The following RNF220 variants were observed in gnomAD, a reference collection of about 807,000 sequenced individuals.
RNF220 encodes the protein E3 ubiquitin-protein ligase RNF220.
Under a neutral mutation model 67.1 loss-of-function variants are expected in RNF220, and 7 were observed. That is an observed-to-expected ratio of 0.10 (90% CI 0.06 to 0.20). The LOEUF (loss-of-function observed/expected upper bound fraction) is 0.20. Ranked by LOEUF, RNF220 falls within the 10% of genes least tolerant of loss-of-function variation. RNF220 has a pLI of 1.00. For missense variants in RNF220, 565 were observed against 740.3 expected (o/e 0.76, Z 2.75); for synonymous variants, 270 against 283.2 (o/e 0.95, Z 0.47).
chr1:44,432,863 G>C (rs1650539706), intron 2 of RNF220, among the ~76,000 whole-genome samples: 2 of 148,036 alleles, frequency 1.4e-5, no homozygotes, highest in African/African-American at 5.0e-5. Flanking sequence ...GGTTACTCTT[G>C]AGTTTTGGTA....
intron 2 of RNF220, among the ~76,000 whole-genome samples, chr1:44,478,132 A>G (rs184194517): frequency 6.6e-6 from 1 of 152,050 alleles, no homozygotes. Flanking sequence ...GGTATGCACC[A>G]CCACACCCGG....
At chr1:44,462,850 G>C (rs56855065) in intron 2 of RNF220, among the ~76,000 whole-genome samples, 1 of 151,168 alleles carries the variant, frequency 6.6e-6, no homozygotes, top group Non-Finnish European at 1.5e-5. Context: ...AACATGGTGA[G>C]ACCCTGTCTC....
At position 44,619,335 on chromosome 1, in the gene RNF220, G is replaced by A. The variant is rs112744663; in HGVS notation, c.759-3407G>A. Among the ~76,000 whole-genome samples the A allele has an allele frequency of 1.0e-3, 152 of 152,322 alleles. 1 individual carries two copies. Among genetic ancestry groups the A allele is most frequent in the African/African-American group, 3.3e-3 (136 of 41,568 alleles). On this transcript the variant is annotated intron_variant, in intron 3 of 14. Transcript: ENST00000361799. ...AAAGGGCTCAAAGAAGCCAGAGGGA[G>A]GCTGGGTGACTCTAGAGAAGAGGCG... is the stretch of plus-strand genomic sequence containing the variant.
chr1:44,412,852 T>C lies in RNF220; in HGVS notation c.625+130T>C. ...CCAACTACTTCCCTTTCACTAGCTGTGGAGTGCTAACCTTTGCTTGTCTCT... is the reference window on the plus strand; with the variant it reads ...CCAACTACTTCCCTTTCACTAGCTGCGGAGTGCTAACCTTTGCTTGTCTCT... On this transcript the variant is annotated intron_variant, in intron 2 of 14. Coordinates refer to ENST00000361799, the MANE Select transcript of RNF220 (RefSeq NM_018150.4). This position sits in a 1 kb window ranked among gnomAD's most constrained non-coding sequence, Gnocchi z 5.3. 2.0e-6 allele frequency: 2 copies of C among 1,020,224 alleles called. No individual in the cohort carries two copies. 63.2% of individuals were successfully genotyped at this position (1,020,224 alleles called of 1,614,324 possible).
At chr1:44,550,042 G>A (rs1001894927) in intron 2 of RNF220, among the ~76,000 whole-genome samples, 1 of 152,230 alleles carries the variant, frequency 6.6e-6, no homozygotes, top group African/African-American at 2.4e-5. Context: ...AAGCGGAGTT[G>A]GGAGTTTGTC....
intron 2 of RNF220, among the ~76,000 whole-genome samples, chr1:44,573,891 A>T (rs1432245679): frequency 1.3e-5 from 2 of 152,120 alleles, no homozygotes; most frequent in East Asian, 1.9e-4. Context: ...AGGTGGGTGG[A>T]TTGCTTGAGC....
intron 5 of RNF220, among the ~76,000 whole-genome samples, chr1:44,628,178 A>G (rs946339174): frequency 6.6e-6 from 1 of 152,236 alleles, no homozygotes; most frequent in African/African-American, 2.4e-5. Context: ...AGAGGAATAG[A>G]CAGCCCCACC....
chr1:44,491,088 T>A (rs1014533697), intron 2 of RNF220, among the ~76,000 whole-genome samples: 5 of 152,158 alleles, frequency 3.3e-5, no homozygotes, highest in Admixed American at 6.5e-5. Flanking sequence ...GAATTGCTAA[T>A]TTTAATATTT....
intron 2 of RNF220, among the ~76,000 whole-genome samples, chr1:44,439,355 G>C (rs371179434): frequency 6.6e-6 from 1 of 151,700 alleles, no homozygotes; most frequent in Admixed American, 6.6e-5. Context: ...TTTTTGAATT[G>C]CTTATCCATG....
chr1:44,564,440 T>G (rs1009924703), intron 2 of RNF220, among the ~76,000 whole-genome samples: 2 of 152,144 alleles, frequency 1.3e-5, no homozygotes, highest in African/African-American at 4.8e-5. Context: ...CAGTTAATTC[T>G]ATTGTGCAGC....
intron 6 of RNF220, among the ~76,000 whole-genome samples, chr1:44,634,171 A>C (rs1235910355): frequency 6.6e-6 from 1 of 152,112 alleles, no homozygotes; most frequent in African/African-American, 2.4e-5. Flanking sequence ...GCCCTAGCAC[A>C]CTCACTGGGA....
At chr1:44,502,065 AC>A (rs1657954752) in intron 2 of RNF220, among the ~76,000 whole-genome samples, 1 of 92,406 alleles carries the variant, frequency 1.1e-5, no homozygotes. Context: ...ACACACACAC[AC>A]ACACACACAC....
chr1:44,582,848 A>G (rs1289083651), intron 2 of RNF220, among the ~76,000 whole-genome samples: 1 of 151,950 alleles, frequency 6.6e-6, no homozygotes, highest in African/African-American at 2.4e-5. Flanking sequence ...ACATAGTGAA[A>G]CCCCATCTCT....
intron 2 of RNF220, among the ~76,000 whole-genome samples, chr1:44,475,568 C>CA (rs35917344): frequency 0.098 from 6,919 of 70,374 alleles, 760 homozygotes; most frequent in African/African-American, 0.28. Context: ...GACTCGGTCT[C>CA]AAAAAAAAAA....
rs1302253649 is a variant in RNF220 at position 44,417,171 on chromosome 1, C to T, written c.625+4449C>T. ...GACCACTGGGAAAGGGTCAGCAAAT[C>T]GCCAGAAGACCTGGGTCAGATGCTT... On this transcript the variant is annotated intron_variant, in intron 2 of 14. Coordinates refer to ENST00000361799, the MANE Select transcript of RNF220 (RefSeq NM_018150.4). The surrounding 1 kb of genome is among the most constrained non-coding windows in gnomAD (Gnocchi z 4.0). Among the ~76,000 whole-genome samples, 1 of 152,118 alleles carries T rather than the reference C, an allele frequency of 6.6e-6. No homozygotes were observed. Among genetic ancestry groups the T allele is most frequent in the East Asian group, 1.9e-4 (1 of 5,186 alleles).
chr1:44,553,377 A>T (rs974932019), intron 2 of RNF220, among the ~76,000 whole-genome samples: 2 of 8,738 alleles, frequency 2.3e-4, no homozygotes, highest in African/African-American at 3.1e-4. Flanking sequence ...TATAAGAATG[A>T]ATGAATGAAT....
At chr1:44,550,691 T>C (rs1408528842) in intron 2 of RNF220, among the ~76,000 whole-genome samples, 1 of 152,180 alleles carries the variant, frequency 6.6e-6, no homozygotes. Context: ...CAGCCTGAGG[T>C]TGAGCTACAG....
rs2147820198 is a variant in RNF220, at chr1:44,417,209, A to G, written c.625+4487A>G. On this transcript the variant is annotated intron_variant, in intron 2 of 14. Coordinates refer to ENST00000361799, the MANE Select transcript of RNF220 (RefSeq NM_018150.4). The surrounding 1 kb of genome is among the most constrained non-coding windows in gnomAD (Gnocchi z 4.0). The stretch of plus-strand genomic sequence containing the variant: ...GGGTCAGATGCTTCCCTCTGTCCTG[A>G]CTGCCCAGACCTAGCCTGACTCTCC... Among the ~76,000 whole-genome samples the G allele has an allele frequency of 6.6e-6, 1 of 152,208 alleles. No individual in the cohort carries two copies. The highest frequency in any genetic ancestry group is 2.4e-5 in the African/African-American group (1 of 41,548).
At chr1:44,592,402 A>T (rs1444864914) in intron 2 of RNF220, among the ~76,000 whole-genome samples, 1 of 152,128 alleles carries the variant, frequency 6.6e-6, no homozygotes, top group Middle Eastern at 3.2e-3. Flanking sequence ...ATTGCACACA[A>T]CATCCAGCCC....
Sources: allele counts gnomAD v4.1 joint callset (sites outside exome capture counted in the v4.1 genomes callset), GRCh38; gene constraint gnomAD v4.1.1; non-coding constraint Gnocchi (gnomAD v3.1); transcripts MANE v1.5; gene names NCBI Gene and HGNC (gene_info 2026-07-23, HGNC 2026-07-21).